SLC25A26: variants seen among roughly 807,000 people sequenced by gnomAD.
SLC25A26 encodes solute carrier family 25 member 26, also known as mitochondrial S-adenosylmethionine carrier protein.
In SLC25A26, 36 loss-of-function variants were observed where a neutral mutation model predicts 37.8. The observed-to-expected ratio is 0.95, with a 90% CI of 0.73 to 1.26. The LOEUF (loss-of-function observed/expected upper bound fraction) is 1.26. SLC25A26 is among the 50% of genes most tolerant of loss of function. SLC25A26 has a pLI of 0.00. For missense variants in SLC25A26, 390 were observed against 331.1 expected (o/e 1.18, Z -1.38); for synonymous variants, 129 against 122.5 (o/e 1.05, Z -0.35).
At chr3:66,268,275 T>G (rs1178515303) in intron 5 of SLC25A26, among the ~76,000 whole-genome samples, 1 of 152,222 alleles carries the variant, frequency 6.6e-6, no homozygotes, top group African/African-American at 2.4e-5. Flanking sequence ...ATACCACAAG[T>G]AGAATTACTT....
chr3:66,221,229 G>A (rs1232548873), intron 1 of SLC25A26, 102 bp downstream of exon 1: 1 of 1,285,834 alleles, frequency 7.8e-7, no homozygotes, highest in South Asian at 1.5e-5. Flanking sequence ...TTGCGGGCTG[G>A]ACTGTCCTCG....
intron 5 of SLC25A26, among the ~76,000 whole-genome samples, chr3:66,323,474 G>A (rs189761618): frequency 0.011 from 1,671 of 152,250 alleles, 29 homozygotes; most frequent in Non-Finnish European, 0.013. Context: ...CTGGGTAAAT[G>A]GGAGACTGGA....
intron 1 of SLC25A26, among the ~76,000 whole-genome samples, chr3:66,231,696 T>C (rs2072039885): frequency 1.3e-5 from 2 of 152,226 alleles, no homozygotes; most frequent in South Asian, 4.1e-4. Context: ...TATATTGTTT[T>C]ATAGCTAATT....
intron 1 of SLC25A26, among the ~76,000 whole-genome samples, chr3:66,146,739 C>G (rs1005414213): frequency 6.6e-6 from 1 of 151,976 alleles, no homozygotes; most frequent in Non-Finnish European, 1.5e-5. Context: ...GTTACATGGA[C>G]GAATTTTGTA....
rs28656789 is a variant in SLC25A26 at position 66,140,576 on chromosome 3, A to G, written c.-354+6592A>G. Among the ~76,000 whole-genome samples the G allele has an allele frequency of 8.1e-3, 1,229 of 152,332 alleles. 18 individuals are homozygous for G. Among genetic ancestry groups the G allele is most frequent in the African/African-American group, 0.028 (1,169 of 41,574 alleles). ...CAGGATGCACGCTGAGGTAAAAACT[A>G]GAAAATGTCCGTAAATCTGTTCATT... On this transcript the variant is annotated intron_variant, in intron 1 of 10. Coordinates refer to the SLC25A26 transcript ENST00000676754.
intron 5 of SLC25A26, among the ~76,000 whole-genome samples, chr3:66,337,740 G>A (rs558924945): frequency 2.2e-4 from 34 of 151,916 alleles, no homozygotes; most frequent in African/African-American, 6.3e-4. Flanking sequence ...TTTTTATTAT[G>A]GAAAATTTCA....
At chr3:66,291,231 G>C (rs190425570) in intron 5 of SLC25A26, among the ~76,000 whole-genome samples, 73 of 152,034 alleles carry the variant, frequency 4.8e-4, no homozygotes, top group Non-Finnish European at 7.9e-4. Flanking sequence ...CTGGCTAGTG[G>C]TCTATTTTGT....
At chr3:66,341,949 T>C (rs762374909) in intron 5 of SLC25A26, among the ~76,000 whole-genome samples, 3 of 152,214 alleles carry the variant, frequency 2.0e-5, no homozygotes, top group Non-Finnish European at 2.9e-5. Flanking sequence ...ATTATCACTA[T>C]GGGACAAGGA....
intron 1 of SLC25A26, among the ~76,000 whole-genome samples, chr3:66,176,459 G>A (rs1487155994): frequency 2.6e-5 from 4 of 152,128 alleles, no homozygotes; most frequent in Non-Finnish European, 5.9e-5. Flanking sequence ...TAATATAAAT[G>A]CAGTGTATGC....
intron 3 of SLC25A26, among the ~76,000 whole-genome samples, chr3:66,250,997 CT>C (rs2073062160): frequency 6.6e-6 from 1 of 151,924 alleles, no homozygotes; most frequent in Non-Finnish European, 1.5e-5. Flanking sequence ...TAGCAGGAGT[CT>C]CAGTTATAGT....
At chr3:66,252,996 G>C (rs1054163626) in intron 3 of SLC25A26, among the ~76,000 whole-genome samples, 1 of 141,448 alleles carries the variant, frequency 7.1e-6, no homozygotes, top group African/African-American at 2.7e-5. Flanking sequence ...AAAATTTGCC[G>C]TTGGTTACTG....
At chr3:66,375,719 C>T (rs1260690921) in intron 9 of SLC25A26, among the ~76,000 whole-genome samples, 1 of 152,008 alleles carries the variant, frequency 6.6e-6, no homozygotes, top group Non-Finnish European at 1.5e-5. Context: ...AAAATATTTC[C>T]GCTCATTGAC....
At chr3:66,287,716 G>A (rs2074562586) in intron 5 of SLC25A26, among the ~76,000 whole-genome samples, 1 of 152,162 alleles carries the variant, frequency 6.6e-6, no homozygotes, top group African/African-American at 2.4e-5. Context: ...GCTTTGAGTT[G>A]TCTTCCTTAC....
At position 66,377,923 on chromosome 3, in the gene SLC25A26, A is replaced by C; in HGVS notation, c.*116A>C. The C allele has an allele frequency of 1.3e-6, 1 of 775,334 alleles. No homozygotes were observed. The highest frequency in any genetic ancestry group is 1.7e-5 in the African/African-American group (1 of 58,124). 48.0% of individuals were successfully genotyped at this position (775,334 alleles called of 1,614,324 possible). A position where few individuals can be genotyped will look rare whatever the true frequency, so the allele number is the denominator to read the frequency against. ...CCAGTGCTGAAGACCAGTTGTGCTA[A>C]GATACCGGCATGGAGATTGTGCCAT... On this transcript the variant is annotated 3_prime_UTR_variant, in exon 10 of 10. Coordinates refer to ENST00000354883, the MANE Select transcript of SLC25A26 (RefSeq NM_001379210.1).
At chr3:66,213,734 A>G (rs1417969004) in intron 1 of SLC25A26, among the ~76,000 whole-genome samples, 2 of 152,070 alleles carry the variant, frequency 1.3e-5, no homozygotes, top group Admixed American at 1.3e-4. Flanking sequence ...CCCTTATAGC[A>G]TCATACAAAA....
intron 1 of SLC25A26, among the ~76,000 whole-genome samples, chr3:66,189,764 C>T (rs1057040215): frequency 6.6e-6 from 1 of 152,240 alleles, no homozygotes; most frequent in East Asian, 1.9e-4. Context: ...TGGGCTCAAG[C>T]GACTTTCCCT....
At chr3:66,181,669 G>A (rs2070708254) in intron 1 of SLC25A26, among the ~76,000 whole-genome samples, 1 of 151,640 alleles carries the variant, frequency 6.6e-6, no homozygotes. Flanking sequence ...AAATTTCTAA[G>A]AAAAGTAGAG....
chr3:66,221,039 ACGTGATCCGCTTCTGC>A lies in SLC25A26; in HGVS notation c.-55_-40del, dbSNP rs2071462039. The A allele has an allele frequency of 6.5e-7, 1 of 1,529,244 alleles. No individual in the cohort carries two copies. Among genetic ancestry groups the A allele is most frequent in the African/African-American group, 1.4e-5 (1 of 72,762 alleles). 94.7% of individuals were successfully genotyped at this position (1,529,244 alleles called of 1,614,324 possible). ...ACATGGCGGCGCCCAGCGCGCGAGG[ACGTGATCCGCTTCTGC>A]TCCGGCTTGGATTGTAGCCTTGACG... On this transcript the variant is annotated 5_prime_UTR_variant, in exon 1 of 10. An upstream open reading frame in the 5' UTR loses its in-frame stop. Coordinates refer to ENST00000354883, the MANE Select transcript of SLC25A26 (RefSeq NM_001379210.1).
intron 1 of SLC25A26, among the ~76,000 whole-genome samples, chr3:66,158,229 C>G (rs186172858): frequency 6.6e-6 from 1 of 152,252 alleles, no homozygotes; most frequent in African/African-American, 2.4e-5. Flanking sequence ...GCCTTTATGC[C>G]TGGCTTCTTT....
Sources: allele counts gnomAD v4.1 joint callset (sites outside exome capture counted in the v4.1 genomes callset), GRCh38; gene constraint gnomAD v4.1.1; transcripts MANE v1.5; gene names NCBI Gene and HGNC (gene_info 2026-07-23, HGNC 2026-07-21).